The following PCDHGA6 variants were observed in gnomAD, a reference collection of about 807,000 sequenced individuals.
PCDHGA6 encodes the protein protocadherin gamma-A6.
Under a neutral mutation model 60.6 loss-of-function variants are expected in PCDHGA6, and 41 were observed. That is an observed-to-expected ratio of 0.68 (90% CI 0.53 to 0.88). The LOEUF (loss-of-function observed/expected upper bound fraction) is 0.88, where lower values mean the gene tolerates loss of function less well. Ranked by LOEUF, PCDHGA6 falls within the 40% of genes least tolerant of loss-of-function variation. The pLI, the probability that PCDHGA6 is intolerant of heterozygous loss-of-function variation, is 0.00. For synonymous variants in PCDHGA6, 594 were observed against 524.4 expected (o/e 1.13, Z -1.81); for missense variants, 1,312 against 1,203.0 (o/e 1.09, Z -1.34).
Position 141,511,303 on chromosome 5 carries a change from C to T in PCDHGA6, c.*130C>T, listed in dbSNP as rs2099883709. 2.7e-6 allele frequency: 4 copies of T among 1,490,160 alleles called. No homozygotes were observed. Among genetic ancestry groups the T allele is most frequent in the Non-Finnish European group, 3.6e-6 (4 of 1,116,196 alleles). 92.3% of individuals were successfully genotyped at this position (1,490,160 alleles called of 1,614,324 possible). ...CTGGTAGGGGCCAAGGCCATGCTCC[C>T]CTTGGGAAACAGAAACAAGTGCCCA... On this transcript the variant is annotated 3_prime_UTR_variant, in exon 4 of 4. Coordinates refer to ENST00000517434, the MANE Select transcript of PCDHGA6 (RefSeq NM_018919.3).
At chr5:141,390,114 G>A in intron 1 of PCDHGA6, 1 of 1,614,048 alleles carries the variant, frequency 6.2e-7, no homozygotes, top group African/African-American at 1.3e-5. Flanking sequence ...CTACAGCGAG[G>A]GGACTTTGCC....
intron 1 of PCDHGA6, chr5:141,403,162 T>C (rs745617954): frequency 9.3e-6 from 15 of 1,613,862 alleles, no homozygotes; most frequent in African/African-American, 2.7e-5. Flanking sequence ...TCTCTAGAGG[T>C]AGGACGCAGC....
In PCDHGA6 at chr5:141,376,127, G is replaced by T. The variant is rs1331529697; in HGVS notation, c.2044G>T (p.Ala682Ser). Reference protein sequence around the residue: ...LADLGSLEPSAKPNDSDLTLY... With the variant: ...LADLGSLEPSSKPNDSDLTLY... ...CGACCTGGGCAGCCTCGAGCCCTCC[G>T]CCAAACCCAACGATTCGGACCTCAC... is the stretch of plus-strand genomic sequence containing the variant. Residue 682 changes from alanine (A) to serine (S), a missense_variant, in exon 1 of 4, where the codon GCC (alanine) becomes TCC (serine). By Grantham distance (99) the Ala-to-Ser change is moderately conservative. Coordinates refer to ENST00000517434, the MANE Select transcript of PCDHGA6 (RefSeq NM_018919.3). The T allele has an allele frequency of 3.7e-6, 6 of 1,613,710 alleles. No individual in the cohort carries two copies. Among genetic ancestry groups the T allele is most frequent in the Non-Finnish European group, 5.1e-6 (6 of 1,179,938 alleles).
Position 141,505,427 on chromosome 5 carries a change from A to G in PCDHGA6, c.2518A>G (p.Asn840Asp), listed in dbSNP as rs1453435374. Reference protein sequence around the residue: ...QNGDDTGTWPNNQFDTEMLQA... With the variant: ...QNGDDTGTWPDNQFDTEMLQA... The stretch of plus-strand genomic sequence containing the variant: ...TGGCGATGACACCGGCACCTGGCCC[A>G]ACAACCAGTTTGACACAGAGATGCT... The change falls in exon 3 of 4, where the codon AAC (asparagine) becomes GAC (aspartate). Residue 840 changes from asparagine to aspartate, a missense_variant. Physicochemically the swap from Asn to Asp is conservative, Grantham distance 23 (BLOSUM62 1). Coordinates refer to ENST00000517434, the MANE Select transcript of PCDHGA6 (RefSeq NM_018919.3). 1 of 1,614,230 alleles carries G rather than the reference A, an allele frequency of 6.2e-7. No individual in the cohort carries two copies. Among genetic ancestry groups the G allele is most frequent in the East Asian group, 2.2e-5 (1 of 44,878 alleles).
At chr5:141,397,495 A>T (rs1346259397) in intron 1 of PCDHGA6, among the ~76,000 whole-genome samples, 2 of 152,226 alleles carry the variant, frequency 1.3e-5, no homozygotes, top group Non-Finnish European at 2.9e-5. Flanking sequence ...GAACAGAAGA[A>T]TGATAAAATT....
chr5:141,394,177 C>T (rs2092934633), intron 1 of PCDHGA6: 1 of 1,613,912 alleles, frequency 6.2e-7, no homozygotes, highest in East Asian at 2.2e-5. Context: ...TTCCCTCATG[C>T]CTCCTACTCA....
In PCDHGA6 at chr5:141,486,110, G is replaced by A. The variant is rs780031943; in HGVS notation, c.2425-8697G>A. 1.2e-6 allele frequency: 2 copies of A among 1,614,162 alleles called. No individual in the cohort carries two copies. Among genetic ancestry groups the A allele is most frequent in the South Asian group, 1.1e-5 (1 of 91,078 alleles). On this transcript the variant is annotated intron_variant, in intron 1 of 3. Transcript: ENST00000517434. This position sits in a 1 kb window ranked among gnomAD's most constrained non-coding sequence, Gnocchi z 5.0. ...TTTGGGGCCCCTAGACTTTGAGAGT[G>A]AGAATTACTATGAATTTGATGTGCG...
At position 141,489,084 on chromosome 5, in the gene PCDHGA6, C is replaced by CCGG; in HGVS notation, c.2425-5723_2425-5722insCGG. ...CTCCCCCCTGCCCACCCCCGCCACT[C>CCGG]GGTGACTAAGAACTGCTGCAAGCAG... On this transcript the variant is annotated intron_variant, in intron 1 of 3. Coordinates refer to ENST00000517434, the MANE Select transcript of PCDHGA6 (RefSeq NM_018919.3). This position sits in a 1 kb window ranked among gnomAD's most constrained non-coding sequence, Gnocchi z 4.5. The CCGG allele has an allele frequency of 3.0e-6, 1 of 329,134 alleles. No homozygotes were observed. The highest frequency in any genetic ancestry group is 2.5e-5 in the African/African-American group (1 of 40,384). 20.4% of individuals were successfully genotyped at this position (329,134 alleles called of 1,614,324 possible). A position where few individuals can be genotyped will look rare whatever the true frequency, so the allele number is the denominator to read the frequency against.
At chr5:141,404,694 C>A in intron 1 of PCDHGA6, 5 of 1,614,116 alleles carry the variant, frequency 3.1e-6, no homozygotes, top group Non-Finnish European at 4.2e-6. Context: ...GCACCCCGCT[C>A]TGCAGAGCCT....
intron 1 of PCDHGA6, among the ~76,000 whole-genome samples, chr5:141,483,207 A>C (rs1225621725): frequency 6.6e-6 from 1 of 152,224 alleles, no homozygotes; most frequent in African/African-American, 2.4e-5. Flanking sequence ...TATTCCATAT[A>C]GATGACAGTC....
At chr5:141,421,788 G>C (rs1262781272) in intron 1 of PCDHGA6, 7 of 1,613,682 alleles carry the variant, frequency 4.3e-6, no homozygotes, top group Admixed American at 3.3e-5. Flanking sequence ...GGGGCAGAAC[G>C]GATGGGGCCA....
Position 141,375,504 on chromosome 5 carries a change from T to A in PCDHGA6, c.1421T>A (p.Val474Glu). The A allele has an allele frequency of 2.5e-6, 4 of 1,614,004 alleles. No homozygotes were observed. The South Asian group carries it at 4.4e-5, about 18-fold the overall frequency. ...CCCAGGGGTGCCTCCATCTTCTCTG[T>A]GAATGCACTGGACCCTGACGTGGAC... The part of the protein sequence containing the change: ...NNPRGASIFS[V>E]NALDPDVDQN... The change falls in exon 1 of 4, where the codon GTG becomes GAG. Residue 474 changes from valine to glutamate, a missense_variant. Val to Glu is a moderately radical substitution (Grantham distance 121, BLOSUM62 -2). Coordinates refer to ENST00000517434, the MANE Select transcript of PCDHGA6 (RefSeq NM_018919.3).
At chr5:141,385,831 G>A (rs1317215192) in intron 1 of PCDHGA6, 1 of 154,298 alleles carries the variant, frequency 6.5e-6, no homozygotes, top group Non-Finnish European at 1.4e-5. Flanking sequence ...CCTATTTACA[G>A]TATAATCATT....
rs181480719 is a variant in PCDHGA6, at chr5:141,387,482, G to A, written c.2424+10975G>A. 5.3e-5 allele frequency among the ~76,000 whole-genome samples: 8 copies of A among 152,294 alleles called. No individual in the cohort carries two copies. The East Asian group carries it at 1.5e-3, about 29-fold the overall frequency. On this transcript the variant is annotated intron_variant, in intron 1 of 3. Coordinates refer to ENST00000517434, the MANE Select transcript of PCDHGA6 (RefSeq NM_018919.3). ...AAAAATCCTCAAAGTTGGGATGAAG[G>A]CATTCCTAAGAGTACATTTTTAGAC...
intron 1 of PCDHGA6, chr5:141,404,272 G>A (rs2094505108): frequency 6.2e-7 from 1 of 1,613,834 alleles, no homozygotes; most frequent in Non-Finnish European, 8.5e-7. Flanking sequence ...ACATCACCCT[G>A]CAAGTGACTG....
In PCDHGA6 at chr5:141,402,356, T is replaced by C. The variant is rs183915738; in HGVS notation, c.2424+25849T>C. Among the ~76,000 whole-genome samples, 46 of 152,098 alleles carry C rather than the reference T, an allele frequency of 3.0e-4. 1 individual carries two copies. Among genetic ancestry groups the C allele is most frequent in the African/African-American group, 1.0e-3 (43 of 41,550 alleles). On this transcript the variant is annotated intron_variant, in intron 1 of 3. Coordinates refer to ENST00000517434, the MANE Select transcript of PCDHGA6 (RefSeq NM_018919.3). ...TATAGGTATAAAAATTAAAAATGAA[T>C]GTACTTCCAAACAAGATTGCACATA...
rs143317584 is a variant in PCDHGA6 at position 141,432,282 on chromosome 5, A to G, written c.2424+55775A>G. 5.0e-5 allele frequency: 81 copies of G among 1,613,850 alleles called. No homozygotes were observed. The African/African-American group carries it at 6.4e-4, about 13-fold the overall frequency. ...AGCCTATCGTCCTACGTGTCCATCAACTCCGACACTGGGGTACTGTATGCG... is the reference window on the plus strand; with the variant it reads ...AGCCTATCGTCCTACGTGTCCATCAGCTCCGACACTGGGGTACTGTATGCG... On this transcript the variant is annotated intron_variant, in intron 1 of 3. Transcript: ENST00000517434. This position sits in a 1 kb window ranked among gnomAD's most constrained non-coding sequence, Gnocchi z 6.0.
intron 1 of PCDHGA6, chr5:141,478,540 C>T (rs1221128622): frequency 6.2e-7 from 1 of 1,606,412 alleles, no homozygotes; most frequent in East Asian, 2.2e-5. Context: ...GCGCCCCTCC[C>T]GGACAGGTAA....
At chr5:141,424,894 T>C (rs868851823) in intron 1 of PCDHGA6, among the ~76,000 whole-genome samples, 44 of 152,320 alleles carry the variant, frequency 2.9e-4, no homozygotes, top group African/African-American at 9.9e-4. Flanking sequence ...TCTAGGGTTT[T>C]TGATCACAGG....
Sources: allele counts gnomAD v4.1 joint callset (sites outside exome capture counted in the v4.1 genomes callset), GRCh38; gene constraint gnomAD v4.1.1; non-coding constraint Gnocchi (gnomAD v3.1); transcripts MANE v1.5; gene names NCBI Gene and HGNC (gene_info 2026-07-23, HGNC 2026-07-21).